Variants in NFILZ observed in about 807,000 individuals in gnomAD.
NFILZ encodes NFIL3 like protein.
intron 3 of NFILZ, among the ~76,000 whole-genome samples, chr19:8,642,402 C>T (rs74906739): frequency 0.017 from 2,575 of 152,272 alleles, 65 homozygotes; most frequent in African/African-American, 0.059. Flanking sequence ...ATCTGTTAGC[C>T]TTTGCTGTGT....
chr19:8,652,103 ATT>A (rs35038370), intron 3 of NFILZ, among the ~76,000 whole-genome samples: 9 of 141,734 alleles, frequency 6.3e-5, no homozygotes, highest in Non-Finnish European at 7.6e-5. Flanking sequence ...CCACTGGGAG[ATT>A]TTTTTTTTTT....
chr19:8,676,000 G>A (rs1324894930), intron 4 of NFILZ, among the ~76,000 whole-genome samples: 3 of 152,168 alleles, frequency 2.0e-5, no homozygotes, highest in Non-Finnish European at 2.9e-5. Flanking sequence ...GTGAATCAAT[G>A]GACGGTTGGA....
intron 3 of NFILZ, among the ~76,000 whole-genome samples, chr19:8,660,446 A>G (rs1480192812): frequency 6.6e-6 from 1 of 151,732 alleles, no homozygotes; most frequent in East Asian, 1.9e-4. Flanking sequence ...AAAGTAAGGA[A>G]GTTCATCCAC....
At chr19:8,635,107 C>G (rs2042888870) in intron 2 of NFILZ, among the ~76,000 whole-genome samples, 1 of 151,882 alleles carries the variant, frequency 6.6e-6, no homozygotes, top group African/African-American at 2.4e-5. Context: ...GTCAGGAGTT[C>G]AAGACCAGCC....
chr19:8,637,089 G>T (rs2042898123), intron 3 of NFILZ, among the ~76,000 whole-genome samples: 1 of 152,126 alleles, frequency 6.6e-6, no homozygotes, highest in African/African-American at 2.4e-5. Flanking sequence ...AATGGGCAAG[G>T]CTGAATGTGG....
intron 3 of NFILZ, among the ~76,000 whole-genome samples, chr19:8,653,733 T>C (rs1568420697): frequency 6.6e-6 from 1 of 152,160 alleles, no homozygotes; most frequent in African/African-American, 2.4e-5. Context: ...GAAAACCAAA[T>C]ACCGTGTGTT....
At chr19:8,674,221 G>A (rs549850339) in intron 3 of NFILZ, among the ~76,000 whole-genome samples, 7 of 152,276 alleles carry the variant, frequency 4.6e-5, no homozygotes, top group East Asian at 1.9e-4. Context: ...ATGGTGTGGC[G>A]GAGCAGACTC....
At chr19:8,656,154 C>A (rs73006438) in intron 3 of NFILZ, among the ~76,000 whole-genome samples, 40,818 of 151,220 alleles carry the variant, frequency 0.27, 5,634 homozygotes, top group South Asian at 0.29. Flanking sequence ...CTGAGAAGGC[C>A]CTCCATAGCC....
chr19:8,652,740 T>G, intron 3 of NFILZ, among the ~76,000 whole-genome samples: 1 of 152,182 alleles, frequency 6.6e-6, no homozygotes, highest in East Asian at 1.9e-4. Flanking sequence ...TTAACCAAAT[T>G]TTCAGTGTCT....
intron 3 of NFILZ, among the ~76,000 whole-genome samples, chr19:8,659,649 C>T (rs1187492227): frequency 6.6e-6 from 1 of 152,150 alleles, no homozygotes; most frequent in Non-Finnish European, 1.5e-5. Context: ...ATCCCTCCAG[C>T]AGATAGTGTC....
In NFILZ at chr19:8,680,545, C is replaced by A. The variant is rs782558032; in HGVS notation, c.*2910C>A. On this transcript the variant is annotated 3_prime_UTR_variant, in exon 6 of 6. Coordinates refer to ENST00000691075, the MANE Select transcript of NFILZ (RefSeq NM_001378600.1). ...GTCTCCTATCTTTATGTTCCAGGTA[C>A]TGGGGAAAGAGAAGTGAACACAATA... 1.7e-4 allele frequency among the ~76,000 whole-genome samples: 26 copies of A among 152,026 alleles called. No individual in the cohort carries two copies. The highest frequency in any genetic ancestry group is 3.2e-4 in the Non-Finnish European group (22 of 68,018).
chr19:8,656,293 C>G (rs1219827402), intron 3 of NFILZ, among the ~76,000 whole-genome samples: 3,702 of 146,000 alleles, frequency 0.025, 468 homozygotes, highest in South Asian at 0.063. Context: ...TCCCCACAGC[C>G]CACCTCCTCC....
intron 3 of NFILZ, among the ~76,000 whole-genome samples, chr19:8,653,038 TTCTCTC>T (rs1163296485): frequency 6.1e-4 from 55 of 90,558 alleles, no homozygotes; most frequent in East Asian, 4.6e-3. Context: ...CTTTCTTTCT[TTCTCTC>T]TCTCTCTCTC....
intron 3 of NFILZ, among the ~76,000 whole-genome samples, chr19:8,647,577 C>T (rs992499257): frequency 1.3e-4 from 15 of 119,172 alleles, no homozygotes; most frequent in African/African-American, 4.2e-4. Context: ...TGTCCCCGCA[C>T]CCCCCCCCCC....
rs1249556258 is a variant in NFILZ at position 8,663,730 on chromosome 19, G to GTT, written c.-163-10820_-163-10819insTT. ...GTGGTGTGTGTGTGTGTTTGTGTGT[G>GTT]TGTGTGTGTGTGTGTGTGTGTGTGT... is the stretch of plus-strand genomic sequence containing the variant. On this transcript the variant is annotated intron_variant, in intron 3 of 5. Coordinates refer to ENST00000691075, the MANE Select transcript of NFILZ (RefSeq NM_001378600.1). 5.2e-5 allele frequency among the ~76,000 whole-genome samples: 4 copies of GTT among 77,316 alleles called. No homozygotes were observed. The East Asian group carries it at 2.1e-3, about 40-fold the overall frequency. 50.7% of individuals were successfully genotyped at this position (77,316 alleles called of 152,430 possible).
intron 3 of NFILZ, among the ~76,000 whole-genome samples, chr19:8,646,097 C>T (rs782726410): frequency 3.5e-4 from 53 of 151,868 alleles, no homozygotes; most frequent in Non-Finnish European, 5.3e-4. Flanking sequence ...AGTCCAGTGG[C>T]GCGATCTCGG....
At chr19:8,663,748 G>GTGTATGTGTGTGTGTGTATGTGTGTA (rs1568423380) in intron 3 of NFILZ, among the ~76,000 whole-genome samples, 3 of 139,376 alleles carry the variant, frequency 2.2e-5, no homozygotes, top group Non-Finnish European at 4.6e-5. Context: ...GTGTGTGTGT[G>GTGTATGTGTGTGTGTGTATGTGTGTA]TGTGTGTGTG....
intron 3 of NFILZ, among the ~76,000 whole-genome samples, chr19:8,638,955 T>C (rs1430492912): frequency 3.3e-5 from 5 of 151,140 alleles, no homozygotes; most frequent in African/African-American, 9.7e-5. Flanking sequence ...GGGATCCTCC[T>C]GCCTCAGCCT....
intron 3 of NFILZ, among the ~76,000 whole-genome samples, chr19:8,663,738 G>A (rs1260322684): frequency 0.072 from 1,694 of 23,394 alleles, 29 homozygotes; most frequent in Middle Eastern, 0.21. Context: ...GTGTGTGTGT[G>A]TGTGTGTGTG....
Sources: allele counts gnomAD v4.1 joint callset (sites outside exome capture counted in the v4.1 genomes callset), GRCh38; gene constraint gnomAD v4.1.1; transcripts MANE v1.5; gene names NCBI Gene and HGNC (gene_info 2026-07-23, HGNC 2026-07-21).